The following PCDHGB2 variants were observed in gnomAD, a reference collection of about 807,000 sequenced individuals.
PCDHGB2 encodes protocadherin gamma subfamily B, 2.
Under a neutral mutation model 59.3 loss-of-function variants are expected in PCDHGB2, and 55 were observed. The ratio of observed to expected loss-of-function variants is 0.93; its 90% CI spans 0.75 to 1.16. PCDHGB2 has a LOEUF of 1.16. Among genes scored for constraint, PCDHGB2 ranks in the 50% most tolerant of loss-of-function variants. PCDHGB2 has a pLI of 0.00. For synonymous variants in PCDHGB2, 516 were observed against 512.0 expected (o/e 1.01, Z -0.11); for missense variants, 1,228 against 1,198.5 (o/e 1.02, Z -0.36).
At chr5:141,428,102 G>A (rs774075619) in intron 1 of PCDHGB2, 1 of 1,608,518 alleles carries the variant, frequency 6.2e-7, no homozygotes, top group Non-Finnish European at 8.5e-7. Context: ...CCTACCACGT[G>A]CTGCAGGCCA....
intron 1 of PCDHGB2, chr5:141,420,969 A>G (rs2096536141): frequency 2.3e-6 from 1 of 443,064 alleles, no homozygotes; most frequent in Admixed American, 4.0e-5. Flanking sequence ...TTGCAATAAT[A>G]AGAATGGGCT....
At chr5:141,438,591 CATATATAT>C (rs946798767) in intron 1 of PCDHGB2, among the ~76,000 whole-genome samples, 35 of 75,562 alleles carry the variant, frequency 4.6e-4, no homozygotes, top group South Asian at 1.0e-3. Flanking sequence ...TACATACATA[CATATATAT>C]ATATATATAT....
At chr5:141,475,218 A>G (rs2154572291) in intron 1 of PCDHGB2, among the ~76,000 whole-genome samples, 1 of 152,326 alleles carries the variant, frequency 6.6e-6, no homozygotes, top group African/African-American at 2.4e-5. Flanking sequence ...GGATTGATCA[A>G]GTAAAGGGAA....
chr5:141,446,415 T>C (rs1275165245), intron 1 of PCDHGB2, among the ~76,000 whole-genome samples: 2 of 152,046 alleles, frequency 1.3e-5, no homozygotes, highest in African/African-American at 4.8e-5. Flanking sequence ...GTTCCAGCCA[T>C]GTTCATTTGA....
chr5:141,419,035 T>G, intron 1 of PCDHGB2: 1 of 1,613,954 alleles, frequency 6.2e-7, no homozygotes, highest in Non-Finnish European at 8.5e-7. Context: ...GTGTTCCATT[T>G]AAGATTCATT....
Position 141,388,695 on chromosome 5 carries a change from G to A in PCDHGB2, c.2421+26139G>A, listed in dbSNP as rs2091456760. On this transcript the variant is annotated intron_variant, in intron 1 of 3. Coordinates refer to ENST00000522605, the MANE Select transcript of PCDHGB2 (RefSeq NM_018923.3). ...ACAGGTGACTGCCACGGACCAGGAT[G>A]AGGGTGTCAATGCCGAGATTACTTT... The A allele has an allele frequency of 3.7e-6, 6 of 1,614,018 alleles. No homozygotes were observed. Among genetic ancestry groups the A allele is most frequent in the Middle Eastern group, 1.6e-4 (1 of 6,062 alleles).
intron 1 of PCDHGB2, among the ~76,000 whole-genome samples, chr5:141,438,591 CATATATATATATATATATAT>C (rs946798767): frequency 2.1e-4 from 16 of 75,572 alleles, no homozygotes; most frequent in Middle Eastern, 0.016. Context: ...TACATACATA[CATATATATATATATATATAT>C]ATATATATAT....
Position 141,477,931 on chromosome 5 carries a change from G to T in PCDHGB2, c.2422-16876G>T. 6.2e-7 allele frequency: 1 copy of T among 1,614,138 alleles called. No homozygotes were observed. Among genetic ancestry groups the T allele is most frequent in the Non-Finnish European group, 8.5e-7 (1 of 1,180,040 alleles). ...ACGCGGATGCAGGGCACAATGCCTG[G>T]CTCTCCTACAGTCTCTTGGGATCCC... On this transcript the variant is annotated intron_variant, in intron 1 of 3. Coordinates refer to ENST00000522605, the MANE Select transcript of PCDHGB2 (RefSeq NM_018923.3). This position sits in a 1 kb window ranked among gnomAD's most constrained non-coding sequence, Gnocchi z 4.9.
chr5:141,490,061 A>G lies in PCDHGB2; in HGVS notation c.2422-4746A>G, dbSNP rs1562135413. On this transcript the variant is annotated intron_variant, in intron 1 of 3. Transcript: ENST00000522605. This position sits in a 1 kb window ranked among gnomAD's most constrained non-coding sequence, Gnocchi z 5.4. Reference sequence around the variant, plus strand: ...GCCACTGATCCAGACGAGGGCACCAACGGCCAACTAGACTATTCTTTTGGA... The same window carrying G: ...GCCACTGATCCAGACGAGGGCACCAGCGGCCAACTAGACTATTCTTTTGGA... 1.2e-6 allele frequency: 2 copies of G among 1,614,214 alleles called. No individual in the cohort carries two copies. Among genetic ancestry groups the G allele is most frequent in the East Asian group, 2.2e-5 (1 of 44,884 alleles).
At position 141,485,348 on chromosome 5, in the gene PCDHGB2, C is replaced by A; in HGVS notation, c.2422-9459C>A. ...AGATTTCCTGCTGGATACGGACAGT[C>A]TGTCAGCTCGCAGGCTGCAGGTCGC... On this transcript the variant is annotated intron_variant, in intron 1 of 3. Coordinates refer to ENST00000522605, the MANE Select transcript of PCDHGB2 (RefSeq NM_018923.3). This position sits in a 1 kb window ranked among gnomAD's most constrained non-coding sequence, Gnocchi z 5.7. 6.2e-7 allele frequency: 1 copy of A among 1,614,146 alleles called. No individual in the cohort carries two copies. Among genetic ancestry groups the A allele is most frequent in the Non-Finnish European group, 8.5e-7 (1 of 1,180,008 alleles).
At chr5:141,376,697 T>TTTTTTTTTA (rs60911796) in intron 1 of PCDHGB2, 1 of 652,042 alleles carries the variant, frequency 1.5e-6, no homozygotes, top group African/African-American at 2.1e-5. Context: ...TTTTTTTTTT[T>TTTTTTTTTA]GAGACGGAGT....
Position 141,375,486 on chromosome 5 carries a change from G to A in PCDHGB2, c.2421+12930G>A, listed in dbSNP as rs1193457334. Reference sequence around the variant, plus strand: ...TATGTCCTTGAAAACAACCCCAGGGGTGCCTCCATCTTCTCTGTGAATGCA... The same window carrying A: ...TATGTCCTTGAAAACAACCCCAGGGATGCCTCCATCTTCTCTGTGAATGCA... On this transcript the variant is annotated intron_variant, in intron 1 of 3. Transcript: ENST00000522605. 9.3e-6 allele frequency: 15 copies of A among 1,613,796 alleles called. No individual in the cohort carries two copies. The Admixed American group carries it at 1.7e-4, about 18-fold the overall frequency.
Position 141,360,165 on chromosome 5 carries a change from G to T in PCDHGB2, c.30G>T (p.Leu10=). 6.2e-7 allele frequency: 1 copy of T among 1,607,726 alleles called. No homozygotes were observed. The change falls in exon 1 of 4, where the codon CTG becomes CTT. Residue 10 remains leucine (L), a synonymous_variant. Transcript: ENST00000522605. ...AAGCGAGCTCAGGGAGGTGCGGGCT[G>T]GTGCGGTGGCTGCAGGTACTGTTGC... MKASSGRCG[L]VRWLQVLLPF...
rs1265422100 is a variant in PCDHGB2 at position 141,490,199 on chromosome 5, C to A, written c.2422-4608C>A. On this transcript the variant is annotated intron_variant, in intron 1 of 3. Transcript: ENST00000522605. This position sits in a 1 kb window ranked among gnomAD's most constrained non-coding sequence, Gnocchi z 5.4. The stretch of plus-strand genomic sequence containing the variant: ...GAGTCACGTTTCTATGAAATTCATG[C>A]AAGAGCCCGTGACCAGGGACAGCCT... The A allele has an allele frequency of 1.9e-6, 3 of 1,614,184 alleles. No homozygotes were observed. The highest frequency in any genetic ancestry group is 2.5e-6 in the Non-Finnish European group (3 of 1,180,024).
At chr5:141,453,351 C>T (rs1210851703) in intron 1 of PCDHGB2, among the ~76,000 whole-genome samples, 3 of 151,738 alleles carry the variant, frequency 2.0e-5, no homozygotes, top group African/African-American at 7.3e-5. Context: ...CCAGGCTGAC[C>T]CTGAACTCCT....
intron 1 of PCDHGB2, among the ~76,000 whole-genome samples, chr5:141,468,178 T>G (rs1033546956): frequency 1.3e-5 from 2 of 151,580 alleles, no homozygotes; most frequent in African/African-American, 4.8e-5. Context: ...TAGAAAAATT[T>G]GCTGGGCATG....
chr5:141,464,271 A>AT (rs1336006891), intron 1 of PCDHGB2, among the ~76,000 whole-genome samples: 1 of 136,538 alleles, frequency 7.3e-6, no homozygotes, highest in Non-Finnish European at 1.5e-5. Flanking sequence ...TCTAAAAAAA[A>AT]AAAAAAGCAA....
At chr5:141,421,141 G>A (rs7732160) in intron 1 of PCDHGB2, 49,996 of 938,386 alleles carry the variant, frequency 0.053, 1,680 homozygotes, top group African/African-American at 0.14. Flanking sequence ...TATTTTGGAT[G>A]TAGTCGGCCT....
intron 2 of PCDHGB2, among the ~76,000 whole-genome samples, chr5:141,499,301 TC>T (rs771049830): frequency 6.6e-6 from 1 of 152,166 alleles, no homozygotes; most frequent in Non-Finnish European, 1.5e-5. Context: ...CTACCATCCC[TC>T]CTCTGAGAGA....
Sources: gnomAD v4.1 joint callset for allele counts (sites outside exome capture counted in the v4.1 genomes callset) on GRCh38, gnomAD v4.1.1 for gene constraint, Gnocchi (gnomAD v3.1) non-coding constraint, MANE v1.5 for transcripts, NCBI Gene and HGNC (gene_info 2026-07-23, HGNC 2026-07-21) for gene names.